The following RFX4 variants were observed in gnomAD, a reference collection of about 807,000 sequenced individuals.
RFX4 encodes regulatory factor X4, also known as transcription factor RFX4.
Under a neutral mutation model 95.0 loss-of-function variants are expected in RFX4, and 10 were observed. The ratio of observed to expected loss-of-function variants is 0.11; its 90% CI spans 0.06 to 0.18. RFX4 has a LOEUF of 0.18. Among genes scored for constraint, RFX4 ranks in the 10% least tolerant of loss-of-function variants. The pLI is 1.00. For missense variants in RFX4, 640 were observed against 922.0 expected (o/e 0.69, Z 3.96); for synonymous variants, 321 against 340.7 (o/e 0.94, Z 0.64).
intron 4 of RFX4, among the ~76,000 whole-genome samples, chr12:106,655,109 G>T (rs1361595331): frequency 6.6e-6 from 1 of 152,118 alleles, no homozygotes; most frequent in East Asian, 1.9e-4. Context: ...GGCTGAAATG[G>T]CAGAAAGAGG....
chr12:106,610,890 A>G (rs182102585), intron 2 of RFX4, among the ~76,000 whole-genome samples: 1 of 152,332 alleles, frequency 6.6e-6, no homozygotes, highest in Admixed American at 6.5e-5. Context: ...AGAAACCACA[A>G]AACTGGTTTT....
intron 7 of RFX4, among the ~76,000 whole-genome samples, chr12:106,695,466 G>A (rs952930178): frequency 4.6e-5 from 7 of 152,112 alleles, no homozygotes; most frequent in East Asian, 3.8e-4. Flanking sequence ...TAGGGGAGGC[G>A]GCAAGGGGTT....
intron 17 of RFX4, among the ~76,000 whole-genome samples, chr12:106,757,608 C>A (rs1257970129): frequency 6.6e-6 from 1 of 150,698 alleles, no homozygotes; most frequent in East Asian, 1.9e-4. Flanking sequence ...TTTTTGGGAG[C>A]TACATCCTTC....
intron 15 of RFX4, among the ~76,000 whole-genome samples, chr12:106,738,168 T>A (rs759987688): frequency 3.3e-5 from 5 of 152,144 alleles, no homozygotes; most frequent in Non-Finnish European, 4.4e-5. Flanking sequence ...TGCCCAAATA[T>A]CCCTGTCATC....
rs530044563 is a variant in RFX4 at position 106,587,735 on chromosome 12, C to T, written c.43+4372C>T. On this transcript the variant is annotated intron_variant, in intron 1 of 17. Transcript: ENST00000392842. ...GAAAGGTTCTGGCTTTTCTTCCCCA[C>T]GACCCGTGGGTCGCCCAGGGTGAGT... is the stretch of plus-strand genomic sequence containing the variant. Among the ~76,000 whole-genome samples the T allele has an allele frequency of 8.5e-5, 13 of 152,338 alleles. No homozygotes were observed. The South Asian group carries it at 1.4e-3, about 17-fold the overall frequency.
intron 13 of RFX4, among the ~76,000 whole-genome samples, chr12:106,729,657 T>C (rs1401834066): frequency 1.3e-5 from 2 of 152,206 alleles, no homozygotes; most frequent in Non-Finnish European, 2.9e-5. Context: ...GTGATGAGGA[T>C]TAAATGCCAA....
At chr12:106,651,281 C>T (rs1299072939) in intron 3 of RFX4, among the ~76,000 whole-genome samples, 1 of 152,160 alleles carries the variant, frequency 6.6e-6, no homozygotes, top group East Asian at 1.9e-4. Context: ...ACAAACCCTC[C>T]TATTTACTAG....
chr12:106,686,821 G>A (rs911144682), intron 5 of RFX4, 63 bp from the exon 6 acceptor site: 14 of 1,485,800 alleles, frequency 9.4e-6, no homozygotes, highest in Admixed American at 3.5e-5. Flanking sequence ...CTTAATAACA[G>A]TGCATGTGGG....
chr12:106,602,991 G>A (rs143063132), intron 1 of RFX4, among the ~76,000 whole-genome samples: 2 of 152,330 alleles, frequency 1.3e-5, no homozygotes, highest in East Asian at 1.9e-4. Flanking sequence ...GTCTTGAGAC[G>A]CTAGTCCACC....
At chr12:106,746,435 G>T (rs2042896988) in intron 15 of RFX4, among the ~76,000 whole-genome samples, 1 of 151,872 alleles carries the variant, frequency 6.6e-6, no homozygotes, top group Admixed American at 6.6e-5. Context: ...GGGAGGCTAA[G>T]GGGGAAGGAT....
Position 106,719,811 on chromosome 12 carries a change from T to C in RFX4, c.1139-149T>C, listed in dbSNP as rs78083359. On this transcript the variant is annotated intron_variant, in intron 11 of 17. Transcript: ENST00000392842. ...GAAAGGTAAGTTGGGGCATGTTTTA[T>C]AAAGTCTTGAATGCTCTGCTAAGAC... 1.5e-3 allele frequency: 939 copies of C among 614,146 alleles called. 5 individuals carry two copies. The highest frequency in any genetic ancestry group is 4.1e-3 in the Admixed American group (134 of 32,958). 38.0% of individuals were successfully genotyped at this position (614,146 alleles called of 1,614,324 possible).
At chr12:106,609,311 C>T (rs1044514444) in intron 2 of RFX4, among the ~76,000 whole-genome samples, 16 of 152,282 alleles carry the variant, frequency 1.1e-4, no homozygotes, top group African/African-American at 2.2e-4. Context: ...AAATTTCTTC[C>T]GGTTCTTGGA....
chr12:106,689,720 T>C (rs554564373), intron 7 of RFX4, among the ~76,000 whole-genome samples: 1 of 152,180 alleles, frequency 6.6e-6, no homozygotes, highest in East Asian at 1.9e-4. Flanking sequence ...GGAAAAAATA[T>C]ATAAAAAGCT....
intron 13 of RFX4, among the ~76,000 whole-genome samples, 187 bp downstream of exon 13, chr12:106,721,063 G>C (rs1008911382): frequency 1.3e-5 from 2 of 152,182 alleles, no homozygotes; most frequent in African/African-American, 4.8e-5. Flanking sequence ...TAAAGGTGGA[G>C]TATCAATCTG....
chr12:106,621,790 A>ATTTGGAAAGATCTTTCGGGAAAGATC (rs1373639905), intron 2 of RFX4, among the ~76,000 whole-genome samples: 3 of 152,112 alleles, frequency 2.0e-5, no homozygotes, highest in East Asian at 3.9e-4. Context: ...CAGTGTAGCA[A>ATTTGGAAAGATCTTTCGGGAAAGATC]TTTGGAAAGA....
chr12:106,610,131 G>A (rs959682033), intron 2 of RFX4, among the ~76,000 whole-genome samples: 11 of 150,912 alleles, frequency 7.3e-5, no homozygotes, highest in African/African-American at 2.4e-4. Flanking sequence ...AACACTACTC[G>A]AGAGGCTGAG....
chr12:106,743,717 G>C (rs1362059638), intron 15 of RFX4, among the ~76,000 whole-genome samples: 1 of 152,162 alleles, frequency 6.6e-6, no homozygotes. Context: ...AGTAACTGCT[G>C]TTGCATTCTC....
At chr12:106,698,613 T>C (rs549521319) in intron 8 of RFX4, among the ~76,000 whole-genome samples, 1 of 152,236 alleles carries the variant, frequency 6.6e-6, no homozygotes, top group Admixed American at 6.5e-5. Context: ...CATCTTTAGT[T>C]TTCTTGTCTC....
intron 8 of RFX4, among the ~76,000 whole-genome samples, chr12:106,705,052 C>T (rs2042058300): frequency 1.3e-5 from 2 of 152,172 alleles, no homozygotes; most frequent in Admixed American, 6.5e-5. Flanking sequence ...TAGACCTGGG[C>T]TTTACTCCTG....
Sources: allele counts gnomAD v4.1 joint callset (sites outside exome capture counted in the v4.1 genomes callset), GRCh38; gene constraint gnomAD v4.1.1; transcripts MANE v1.5; gene names NCBI Gene and HGNC (gene_info 2026-07-23, HGNC 2026-07-21).